Variants in GPHN observed in about 807,000 individuals in gnomAD.
GPHN encodes gephyrin.
In GPHN, 17 loss-of-function variants were observed where a neutral mutation model predicts 95.5. The observed-to-expected ratio is 0.18, with a 90% CI of 0.12 to 0.27. The LOEUF is 0.27. Ranked by LOEUF, GPHN falls within the 10% of genes least tolerant of loss-of-function variation. The pLI is 1.00. For missense variants in GPHN, 660 were observed against 978.1 expected, an observed-to-expected ratio of 0.67 and a Z score of 4.34; for synonymous variants, 320 against 322.5, an observed-to-expected ratio of 0.99 and a Z score of 0.08.
At chr14:67,012,772 CT>C (rs1461274606) in intron 9 of GPHN, among the ~76,000 whole-genome samples, 1 of 152,148 alleles carries the variant, frequency 6.6e-6, no homozygotes, top group Admixed American at 6.5e-5. Flanking sequence ...ACACCTTTAG[CT>C]GTTTCCTCAG....
At chr14:67,374,779 G>A in the GPHN span, 1 of 342,260 alleles carries the variant, frequency 2.9e-6, no homozygotes, top group African/African-American at 2.1e-5. Context: ...TTTTTTGTTT[G>A]TTTAAATAGA....
chr14:67,432,699 G>A, the GPHN span, among the ~76,000 whole-genome samples: 4 of 152,294 alleles, frequency 2.6e-5, no homozygotes, highest in South Asian at 6.2e-4. Flanking sequence ...ACAGAAGTCC[G>A]AAACCAAGGT....
intron 3 of GPHN, among the ~76,000 whole-genome samples, chr14:66,778,901 A>G (rs1448794046): frequency 1.3e-5 from 2 of 151,070 alleles, no homozygotes; most frequent in Non-Finnish European, 2.9e-5. Flanking sequence ...ACACCCAGCT[A>G]ATTTTTTTTT....
intron 8 of GPHN, among the ~76,000 whole-genome samples, chr14:66,953,359 G>T (rs79848025): frequency 4.9e-4 from 75 of 151,902 alleles, no homozygotes; most frequent in African/African-American, 1.8e-3. Context: ...TTTTTCTGTT[G>T]TTGCTTGTAC....
At chr14:66,919,660 A>G (rs1329835692) in intron 6 of GPHN, among the ~76,000 whole-genome samples, 1 of 152,226 alleles carries the variant, frequency 6.6e-6, no homozygotes, top group Non-Finnish European at 1.5e-5. Flanking sequence ...GCATCTGTGT[A>G]AAAGTTCCTG....
intron 8 of GPHN, among the ~76,000 whole-genome samples, chr14:66,941,652 G>C (rs577245472): frequency 6.6e-6 from 1 of 151,626 alleles, no homozygotes; most frequent in South Asian, 2.1e-4. Flanking sequence ...ACTCCTGAAA[G>C]GGAAACACAC....
chr14:67,046,742 C>T (rs1332196122), intron 10 of GPHN, among the ~76,000 whole-genome samples: 1 of 152,090 alleles, frequency 6.6e-6, no homozygotes, highest in Non-Finnish European at 1.5e-5. Context: ...AGTTGTAAAA[C>T]TATTAGATTG....
intron 1 of GPHN, among the ~76,000 whole-genome samples, chr14:66,539,812 A>T (rs1285327141): frequency 1.3e-5 from 2 of 152,128 alleles, no homozygotes; most frequent in Non-Finnish European, 2.9e-5. Context: ...CCAGGAAATA[A>T]AATAGGAGAT....
chr14:67,671,878 G>A, the GPHN span, among the ~76,000 whole-genome samples: 1 of 152,152 alleles, frequency 6.6e-6, no homozygotes, highest in Non-Finnish European at 1.5e-5. Context: ...GCCACTCTCA[G>A]GATAACAATC....
the GPHN span, among the ~76,000 whole-genome samples, chr14:67,267,634 G>A: frequency 2.0e-5 from 3 of 152,162 alleles, no homozygotes; most frequent in African/African-American, 7.2e-5. Context: ...TAAGATTTAG[G>A]TTTTATGGGA....
the GPHN span, among the ~76,000 whole-genome samples, chr14:67,654,456 C>T: frequency 2.0e-5 from 3 of 152,126 alleles, no homozygotes; most frequent in African/African-American, 7.2e-5. Context: ...TAAATTCAAC[C>T]AATCTACCTG....
chr14:66,953,062 A>T (rs2068218497), intron 8 of GPHN, among the ~76,000 whole-genome samples: 1 of 149,042 alleles, frequency 6.7e-6, no homozygotes, highest in Non-Finnish European at 1.5e-5. Flanking sequence ...TTTGATTTGC[A>T]TTTCCCTAAT....
the GPHN span, among the ~76,000 whole-genome samples, chr14:67,602,748 T>C: frequency 6.6e-6 from 1 of 152,232 alleles, no homozygotes; most frequent in African/African-American, 2.4e-5. Context: ...ATCACAGATA[T>C]TTTCTTTTCA....
rs2066286547 is a variant in GPHN, at chr14:66,922,726, A to G, written c.517A>G (p.Ile173Val). The G allele has an allele frequency of 6.2e-7, 1 of 1,612,592 alleles. No individual in the cohort carries two copies. The highest frequency in any genetic ancestry group is 1.1e-5 in the South Asian group (1 of 91,036). Residue 173 changes from isoleucine (I) to valine (V), a missense_variant, in exon 7 of 23, where the codon ATT becomes GTT. Coordinates refer to ENST00000478722, the MANE Select transcript of GPHN (RefSeq NM_020806.5). The part of the protein sequence containing the change: ...PHAIDLLRDA[I>V]VKVKEVHDEL... ...TGCCATTGACCTTTTACGTGATGCC[A>G]TTGTAAAAGTAAAGGAGGTGCATGA...
the GPHN span, among the ~76,000 whole-genome samples, chr14:67,227,285 C>G: frequency 6.6e-6 from 1 of 151,752 alleles, no homozygotes; most frequent in Admixed American, 6.6e-5. Flanking sequence ...ACTATAAATA[C>G]AAAAATTAGC....
the GPHN span, among the ~76,000 whole-genome samples, chr14:67,331,651 C>G: frequency 6.6e-6 from 1 of 151,962 alleles, no homozygotes; most frequent in African/African-American, 2.4e-5. Context: ...ACATGAAGTA[C>G]TAAATAAGTG....
chr14:67,271,741 G>A, the GPHN span: 23,530 of 152,106 alleles, frequency 0.15, 3,439 homozygotes, highest in East Asian at 0.42. Flanking sequence ...TTTAATTTTG[G>A]ACATATTTCT....
At chr14:67,215,406 G>GGTT in the GPHN span, among the ~76,000 whole-genome samples, 13 of 109,518 alleles carry the variant, frequency 1.2e-4, no homozygotes, top group South Asian at 7.6e-4. Flanking sequence ...CTGATCTATT[G>GGTT]TTTTTTTTTT....
intron 9 of GPHN, among the ~76,000 whole-genome samples, chr14:67,006,437 C>T (rs1173916991): frequency 6.6e-6 from 1 of 152,120 alleles, no homozygotes; most frequent in African/African-American, 2.4e-5. Context: ...TACCAACACT[C>T]AGCAATTAAA....
Sources: allele counts gnomAD v4.1 joint callset (sites outside exome capture counted in the v4.1 genomes callset), GRCh38; gene constraint gnomAD v4.1.1; transcripts MANE v1.5; gene names NCBI Gene and HGNC (gene_info 2026-07-23, HGNC 2026-07-21).